The following FAM227B variants were observed in gnomAD, a reference collection of about 807,000 sequenced individuals.
FAM227B encodes protein FAM227B.
In FAM227B, 88 loss-of-function variants were observed where a neutral mutation model predicts 73.8. The observed-to-expected ratio is 1.19, with a 90% CI of 1.00 to 1.42. FAM227B has a LOEUF of 1.42. Ranked by LOEUF, FAM227B falls within the 40% of genes most tolerant of loss-of-function variation. The pLI is 0.00. For missense variants in FAM227B, 632 were observed against 590.9 expected, an observed-to-expected ratio of 1.07 and a Z score of -0.72; for synonymous variants, 210 against 190.5, an observed-to-expected ratio of 1.10 and a Z score of -0.84.
At chr15:49,496,074 C>G (rs1404633454) in intron 11 of FAM227B, among the ~76,000 whole-genome samples, 1 of 151,900 alleles carries the variant, frequency 6.6e-6, no homozygotes, top group Admixed American at 6.6e-5. Context: ...CCAAGTAGCT[C>G]TTTATAACAT....
chr15:49,508,102 T>A, intron 11 of FAM227B, 109 bp downstream of exon 11: 1 of 1,149,138 alleles, frequency 8.7e-7, no homozygotes, highest in Admixed American at 2.6e-5. Context: ...CAAATGTTAT[T>A]TTAAGGCCCT....
At chr15:49,376,368 G>GA (rs1326105489) in intron 11 of FAM227B, among the ~76,000 whole-genome samples, 5 of 152,090 alleles carry the variant, frequency 3.3e-5, no homozygotes, top group Admixed American at 2.0e-4. Context: ...CAGCAGTGCT[G>GA]AAAAAATCAT....
chr15:49,551,642 T>G (rs2073036278), intron 9 of FAM227B, among the ~76,000 whole-genome samples: 1 of 152,212 alleles, frequency 6.6e-6, no homozygotes, highest in Admixed American at 6.5e-5. Context: ...GTTATTTGCT[T>G]TCTTGTTCTG....
intron 13 of FAM227B, chr15:49,366,689 C>A (rs1401265933): frequency 6.7e-7 from 1 of 1,493,938 alleles, no homozygotes; most frequent in Admixed American, 1.7e-5. Flanking sequence ...CCCCATCGGA[C>A]TGGTGGGTGG....
At chr15:49,499,906 A>C (rs2057998544) in intron 11 of FAM227B, among the ~76,000 whole-genome samples, 1 of 152,212 alleles carries the variant, frequency 6.6e-6, no homozygotes, top group Non-Finnish European at 1.5e-5. Context: ...CTATAAAGCT[A>C]CATACTATAA....
chr15:49,531,733 A>C (rs1597945842), intron 10 of FAM227B, among the ~76,000 whole-genome samples: 1 of 151,962 alleles, frequency 6.6e-6, no homozygotes, highest in South Asian at 2.1e-4. Context: ...TCTCTCTGCC[A>C]AACGCCTGAG....
chr15:49,340,866 AGGTTTTCTT>A, intron 13 of FAM227B, among the ~76,000 whole-genome samples: 1 of 152,092 alleles, frequency 6.6e-6, no homozygotes, highest in African/African-American at 2.4e-5. Flanking sequence ...GGTGTTTTCT[AGGTTTTCTT>A]CTAGGATTCT....
intron 11 of FAM227B, among the ~76,000 whole-genome samples, chr15:49,501,606 C>A (rs572965094): frequency 4.6e-5 from 7 of 152,138 alleles, no homozygotes; most frequent in Non-Finnish European, 1.0e-4. Context: ...GGAAGCATAA[C>A]GTAAAAGGTT....
chr15:49,620,714 G>T lies in FAM227B; in HGVS notation c.-87C>A, dbSNP rs1353283486. 6.6e-6 allele frequency: 1 copy of T among 152,208 alleles called. No individual in the cohort carries two copies. Among genetic ancestry groups the T allele is most frequent in the African/African-American group, 2.4e-5 (1 of 41,448 alleles). 9.4% of individuals were successfully genotyped at this position (152,208 alleles called of 1,614,324 possible). On this transcript the variant is annotated 5_prime_UTR_variant, in exon 1 of 16. Transcript: ENST00000299338. ...TCACAACTCACTGCAACTACGCCTT[G>T]ACAGTATGTTTCGAGAACCGCTTCC...
chr15:49,470,847 G>A (rs1329426686), intron 11 of FAM227B, among the ~76,000 whole-genome samples: 1 of 152,206 alleles, frequency 6.6e-6, no homozygotes, highest in Non-Finnish European at 1.5e-5. Flanking sequence ...TGACAAGGGT[G>A]TCATCTAGAA....
intron 11 of FAM227B, chr15:49,396,348 G>T (rs748353717): frequency 6.3e-6 from 2 of 317,240 alleles, no homozygotes; most frequent in Non-Finnish European, 1.2e-5. Flanking sequence ...AGGGTCCTAC[G>T]CCCACGGAGT....
intron 11 of FAM227B, among the ~76,000 whole-genome samples, chr15:49,492,314 T>C (rs943572968): frequency 3.3e-5 from 5 of 151,882 alleles, no homozygotes; most frequent in African/African-American, 1.2e-4. Context: ...TCATCCCTTA[T>C]CCTTGAAAGC....
intron 11 of FAM227B, among the ~76,000 whole-genome samples, chr15:49,422,163 TGC>T (rs5812485): frequency 0.41 from 59,836 of 146,740 alleles, 12,415 homozygotes; most frequent in Non-Finnish European, 0.43. Flanking sequence ...TGTGTGTGTG[TGC>T]GCGCGCGCGC....
chr15:49,397,677 G>A (rs2047790279), intron 11 of FAM227B, among the ~76,000 whole-genome samples: 1 of 152,216 alleles, frequency 6.6e-6, no homozygotes, highest in Non-Finnish European at 1.5e-5. Context: ...AGCCAGAAGA[G>A]AGTGGGGGCC....
intron 11 of FAM227B, among the ~76,000 whole-genome samples, chr15:49,388,930 C>T (rs1486362516): frequency 6.6e-6 from 1 of 151,896 alleles, no homozygotes; most frequent in African/African-American, 2.4e-5. Context: ...ATTAAAACCA[C>T]AATGAGATAT....
chr15:49,608,976 T>C (rs912196227), intron 3 of FAM227B, among the ~76,000 whole-genome samples: 1 of 151,908 alleles, frequency 6.6e-6, no homozygotes, highest in Non-Finnish European at 1.5e-5. Context: ...TAAAGAGAGA[T>C]GAGACAAAAA....
intron 9 of FAM227B, among the ~76,000 whole-genome samples, chr15:49,552,610 T>A (rs2073166317): frequency 6.6e-6 from 1 of 152,146 alleles, no homozygotes; most frequent in African/African-American, 2.4e-5. Flanking sequence ...GGCCAACAAC[T>A]CAGATTTGCC....
chr15:49,406,060 G>A lies in FAM227B; in HGVS notation c.1013-34661C>T, dbSNP rs537290492. Reference sequence around the variant, plus strand: ...TGGACTGCGAGCTCTAACTCTGAGGGACTTGTATTGGGCCCTGACTTTGTT... The same window carrying A: ...TGGACTGCGAGCTCTAACTCTGAGGAACTTGTATTGGGCCCTGACTTTGTT... On this transcript the variant is annotated intron_variant, in intron 11 of 15. Transcript: ENST00000299338. Among the ~76,000 whole-genome samples the A allele has an allele frequency of 6.3e-4, 96 of 152,308 alleles. 1 individual carries two copies. The highest frequency in any genetic ancestry group is 1.1e-3 in the Non-Finnish European group (74 of 68,036).
At chr15:49,606,115 C>A (rs138629222) in intron 3 of FAM227B, 1 of 152,198 alleles carries the variant, frequency 6.6e-6, no homozygotes, top group Non-Finnish European at 1.5e-5. Context: ...TTCTGTGCCA[C>A]GCCTAGGACT....
Sources: gnomAD v4.1 joint callset for allele counts (sites outside exome capture counted in the v4.1 genomes callset) on GRCh38, gnomAD v4.1.1 for gene constraint, MANE v1.5 for transcripts, NCBI Gene and HGNC (gene_info 2026-07-23, HGNC 2026-07-21) for gene names.